The following TBXAS1 variants were observed in gnomAD, a reference collection of about 807,000 sequenced individuals.
TBXAS1 encodes thromboxane A synthase 1.
A neutral mutation model predicts 60.7 loss-of-function variants in TBXAS1; 48 were observed. The ratio of observed to expected loss-of-function variants is 0.79; its 90% CI spans 0.63 to 1.01. The LOEUF is 1.01. TBXAS1 is among the 50% of genes least tolerant of loss of function. The pLI, the probability that TBXAS1 is intolerant of heterozygous loss-of-function variation, is 0.00. For synonymous variants in TBXAS1, 287 were observed against 269.7 expected (o/e 1.06, Z -0.63); for missense variants, 685 against 686.3 (o/e 1.00, Z 0.02).
chr7:139,800,988 A>G (rs1016247284), intron 4 of TBXAS1, among the ~76,000 whole-genome samples: 1 of 152,180 alleles, frequency 6.6e-6, no homozygotes, highest in African/African-American at 2.4e-5. Flanking sequence ...CTCCCCATCA[A>G]TATCTTTTAT....
intron 1 of TBXAS1, among the ~76,000 whole-genome samples, chr7:139,840,347 G>C (rs1215471746): frequency 3.3e-5 from 5 of 152,174 alleles, no homozygotes; most frequent in Non-Finnish European, 7.3e-5. Flanking sequence ...TCCAGCATGT[G>C]GGGACTGAAG....
chr7:139,873,039 T>C (rs1801939601), intron 2 of TBXAS1, among the ~76,000 whole-genome samples: 1 of 152,194 alleles, frequency 6.6e-6, no homozygotes, highest in Non-Finnish European at 1.5e-5. Context: ...ACGGTAGCTG[T>C]AATCTTCTGT....
chr7:139,835,511 A>G (rs372389417), intron 1 of TBXAS1, among the ~76,000 whole-genome samples: 3 of 152,372 alleles, frequency 2.0e-5, no homozygotes, highest in African/African-American at 7.2e-5. Context: ...TACGCCACAT[A>G]AACAAAATTA....
intron 4 of TBXAS1, among the ~76,000 whole-genome samples, chr7:139,925,950 T>C (rs1212278227): frequency 6.6e-6 from 1 of 152,236 alleles, no homozygotes; most frequent in Non-Finnish European, 1.5e-5. Flanking sequence ...TTGATTTGTA[T>C]ATGTTGAGCC....
At chr7:139,790,598 A>G (rs1485795186) in intron 4 of TBXAS1, among the ~76,000 whole-genome samples, 29 of 152,228 alleles carry the variant, frequency 1.9e-4, no homozygotes, top group Admixed American at 1.9e-3. Flanking sequence ...AAAGAAATCA[A>G]GCTTGCATTG....
At chr7:139,945,228 T>C (rs373709121) in intron 5 of TBXAS1, among the ~76,000 whole-genome samples, 1 of 152,260 alleles carries the variant, frequency 6.6e-6, no homozygotes. Context: ...CTCCATGGCT[T>C]CAAGCAACTG....
chr7:139,951,891 GAAGGA>G (rs1371776700), intron 5 of TBXAS1, among the ~76,000 whole-genome samples: 1 of 29,882 alleles, frequency 3.3e-5, no homozygotes, highest in Non-Finnish European at 7.1e-5. Flanking sequence ...AAGAAGGAAG[GAAGGA>G]AGGAAAGAAA....
intron 3 of TBXAS1, among the ~76,000 whole-genome samples, chr7:139,890,071 C>T (rs1199241983): frequency 6.6e-6 from 1 of 152,114 alleles, no homozygotes; most frequent in East Asian, 1.9e-4. Context: ...TTGAGACCAT[C>T]GTTTCCACTG....
At chr7:139,959,189 C>A (rs1361832601) in intron 8 of TBXAS1, among the ~76,000 whole-genome samples, 1 of 152,176 alleles carries the variant, frequency 6.6e-6, no homozygotes, top group Non-Finnish European at 1.5e-5. Flanking sequence ...TTGTTTCAAA[C>A]AATGAGTTGA....
intron 1 of TBXAS1, among the ~76,000 whole-genome samples, chr7:139,870,758 C>G (rs528262149): frequency 6.6e-6 from 1 of 152,206 alleles, no homozygotes; most frequent in Non-Finnish European, 1.5e-5. Context: ...CCTGCCTTCC[C>G]GTTCTGCCCT....
At chr7:139,793,855 A>C (rs1433946592) in intron 4 of TBXAS1, among the ~76,000 whole-genome samples, 2 of 152,204 alleles carry the variant, frequency 1.3e-5, no homozygotes, top group East Asian at 3.8e-4. Context: ...GACTTAGTAG[A>C]AAGTAATCAT....
intron 3 of TBXAS1, among the ~76,000 whole-genome samples, chr7:139,887,117 A>T (rs1803174063): frequency 6.6e-6 from 1 of 152,072 alleles, no homozygotes; most frequent in Admixed American, 6.6e-5. Flanking sequence ...AGTAGGTGGG[A>T]TGGGTTTTCA....
rs369837850 is a variant in TBXAS1, at chr7:139,789,873, T to C, written c.-80+2447T>C. On this transcript the variant is annotated intron_variant, in intron 4 of 16. Transcript: ENST00000336425. The stretch of plus-strand genomic sequence containing the variant: ...CTTAAACTCCTGACCTCAAGTGATC[T>C]CCCCTCCTCGGCCTCCCAAAGTGCT... Among the ~76,000 whole-genome samples the C allele has an allele frequency of 7.3e-5, 11 of 151,708 alleles. No individual in the cohort carries two copies. In the East Asian group the frequency reaches 1.4e-3, roughly 19 times the overall value.
intron 1 of TBXAS1, among the ~76,000 whole-genome samples, chr7:139,862,919 G>T (rs547026912): frequency 3.9e-5 from 6 of 152,316 alleles, no homozygotes; most frequent in Non-Finnish European, 8.8e-5. Flanking sequence ...TAGCCTAGGG[G>T]ACAGAAAGGG....
At chr7:139,808,137 G>A (rs942406066) in intron 4 of TBXAS1, among the ~76,000 whole-genome samples, 1 of 151,414 alleles carries the variant, frequency 6.6e-6, no homozygotes, top group African/African-American at 2.4e-5. Flanking sequence ...ATTGAGACCA[G>A]CCTAGGCAAC....
intron 1 of TBXAS1, among the ~76,000 whole-genome samples, chr7:139,855,783 C>T (rs1219980819): frequency 6.6e-6 from 1 of 152,164 alleles, no homozygotes; most frequent in Non-Finnish European, 1.5e-5. Context: ...TCAACCAGAG[C>T]CCCCAGATCC....
chr7:139,945,942 G>A (rs745375808), intron 5 of TBXAS1, among the ~76,000 whole-genome samples: 9 of 152,196 alleles, frequency 5.9e-5, no homozygotes, highest in Non-Finnish European at 1.0e-4. Flanking sequence ...GATTCAATTC[G>A]TAATGGACTT....
At chr7:139,913,705 G>C (rs58772144) in intron 4 of TBXAS1, 3,315 of 152,794 alleles carry the variant, frequency 0.022, 69 homozygotes, top group African/African-American at 0.056. Flanking sequence ...ACCCCTCCAC[G>C]CAGACTAGGT....
chr7:139,821,771 C>T (rs528783511), intron 4 of TBXAS1, among the ~76,000 whole-genome samples: 13 of 152,340 alleles, frequency 8.5e-5, no homozygotes, highest in South Asian at 4.1e-4. Flanking sequence ...GGGAGGGGGA[C>T]GTCAGAATCA....
Sources: gnomAD v4.1 joint callset for allele counts (sites outside exome capture counted in the v4.1 genomes callset) on GRCh38, gnomAD v4.1.1 for gene constraint, MANE v1.5 for transcripts, NCBI Gene and HGNC (gene_info 2026-07-23, HGNC 2026-07-21) for gene names.